The following GANC variants were observed in gnomAD, a reference collection of about 807,000 sequenced individuals.
The protein encoded by GANC is glucosidase alpha, neutral C.
GANC carries 117 observed loss-of-function variants against 124.2 expected under a neutral mutation model. The ratio of observed to expected loss-of-function variants is 0.94; its 90% CI spans 0.81 to 1.10. The LOEUF (loss-of-function observed/expected upper bound fraction) is 1.10. Ranked by LOEUF, GANC falls within the 50% of genes least tolerant of loss-of-function variation. The pLI is 0.00. For synonymous variants in GANC, 377 were observed against 376.8 expected (o/e 1.00, Z -0.01); for missense variants, 1,140 against 1,095.0 (o/e 1.04, Z -0.58).
rs1293232621 is a variant in GANC, at chr15:42,310,827, A to G, written c.1038A>G (p.Lys346=). The G allele has an allele frequency of 1.4e-5, 23 of 1,613,900 alleles. No individual in the cohort carries two copies. Among genetic ancestry groups the G allele is most frequent in the Non-Finnish European group, 1.8e-5 (21 of 1,179,854 alleles). Reference sequence around the variant, plus strand: ...GACCTACACCTTCTGATGTCTTCAAACAGTACTCACACCTTACAGGTATTT... The same window carrying G: ...GACCTACACCTTCTGATGTCTTCAAGCAGTACTCACACCTTACAGGTATTT... ...LTGPTPSDVF[K]QYSHLTGTQA... Residue 346 remains lysine, a synonymous_variant, in exon 10 of 24, where the codon AAA becomes AAG. Transcript: ENST00000318010.
chr15:42,353,032 A>G lies in GANC; in HGVS notation c.*893A>G, dbSNP rs893959921. Reference sequence around the variant, plus strand: ...AATCAGAATTAATGCAAAAAAAACCATGATGAACAAAATATTAAAATTTAA... The same window carrying G: ...AATCAGAATTAATGCAAAAAAAACCGTGATGAACAAAATATTAAAATTTAA... On this transcript the variant is annotated 3_prime_UTR_variant, in exon 24 of 24. Transcript: ENST00000318010. The G allele has an allele frequency of 9.7e-6, 8 of 827,670 alleles. No individual in the cohort carries two copies. The East Asian group carries it at 7.4e-4, about 76-fold the overall frequency. The allele number at this position is 827,670 out of a possible 1,614,324, so 51.3% of individuals were successfully genotyped here.
Position 42,281,190 on chromosome 15 carries a change from G to C in GANC, c.201+2600G>C. On this transcript the variant is annotated intron_variant, in intron 3 of 23. Transcript: ENST00000318010. ...CTGCATGCCCTGATCTCAGGCAAATGTATGCAAATACATATTTCGGGAGAT... is the reference window on the plus strand; with the variant it reads ...CTGCATGCCCTGATCTCAGGCAAATCTATGCAAATACATATTTCGGGAGAT... 4.4e-6 allele frequency: 3 copies of C among 681,464 alleles called. No homozygotes were observed. The South Asian group carries it at 4.6e-5, about 11-fold the overall frequency. 42.2% of individuals were successfully genotyped at this position (681,464 alleles called of 1,614,324 possible).
At chr15:42,287,086 G>A (rs1475866297) in intron 3 of GANC, among the ~76,000 whole-genome samples, 1 of 152,218 alleles carries the variant, frequency 6.6e-6, no homozygotes, top group Non-Finnish European at 1.5e-5. Context: ...ACGGTAGGCA[G>A]AATTTTACTT....
At chr15:42,314,233 G>A (rs1367321956) in intron 10 of GANC, 1 of 726,180 alleles carries the variant, frequency 1.4e-6, no homozygotes, top group Admixed American at 1.9e-5. Flanking sequence ...AGCACCTGAA[G>A]CACGTAGCTA....
rs756606857 is a variant in GANC at position 42,351,343 on chromosome 15, G to T, written c.2546G>T (p.Arg849Met). The T allele has an allele frequency of 6.2e-7, 1 of 1,613,826 alleles. No individual in the cohort carries two copies. Among genetic ancestry groups the T allele is most frequent in the Non-Finnish European group, 8.5e-7 (1 of 1,179,786 alleles). The change falls in exon 23 of 24, where the codon AGG (arginine) becomes ATG (methionine). Residue 849 changes from arginine to methionine, a missense_variant. Coordinates refer to ENST00000318010, the MANE Select transcript of GANC (RefSeq NM_198141.3). ...SVLINSFADQ[R>M]GHYPSKCVVE... ...ATCTATTCCAGTTTTGCTGACCAGA[G>T]GGGTCATTATCCCAGCAAGTGTGTG...
chr15:42,338,266 T>C, intron 15 of GANC, 123 bp from the exon 16 acceptor site: 1 of 547,530 alleles, frequency 1.8e-6, no homozygotes, highest in East Asian at 3.3e-5. Context: ...AATTTATTTA[T>C]TTTAAGGCAA....
At chr15:42,319,468 C>T (rs2052138217) in intron 10 of GANC, among the ~76,000 whole-genome samples, 1 of 152,200 alleles carries the variant, frequency 6.6e-6, no homozygotes, top group East Asian at 1.9e-4. Context: ...CTTTAGCCTC[C>T]TGAGTAGCTG....
At chr15:42,307,246 T>G (rs2052006264) in intron 7 of GANC, among the ~76,000 whole-genome samples, 1 of 152,160 alleles carries the variant, frequency 6.6e-6, no homozygotes, top group Non-Finnish European at 1.5e-5. Context: ...TATAGCATAG[T>G]ATAATGATGA....
intron 13 of GANC, 86 bp downstream of exon 13, chr15:42,327,528 C>T: frequency 1.9e-6 from 2 of 1,061,122 alleles, no homozygotes; most frequent in Non-Finnish European, 2.9e-6. Flanking sequence ...TATTCTTTTT[C>T]ATTGAGTAGC....
intron 5 of GANC, among the ~76,000 whole-genome samples, chr15:42,296,362 G>A (rs2051891182): frequency 6.6e-6 from 1 of 151,934 alleles, no homozygotes; most frequent in African/African-American, 2.4e-5. Context: ...TCACTTCCTT[G>A]GGTTTGATTT....
intron 21 of GANC, among the ~76,000 whole-genome samples, chr15:42,348,490 CT>C (rs1348754703): frequency 6.6e-6 from 1 of 152,132 alleles, no homozygotes; most frequent in Non-Finnish European, 1.5e-5. Context: ...GGAGTGAATG[CT>C]TTTTGGGCCA....
chr15:42,328,917 C>G (rs1453966739), intron 13 of GANC, among the ~76,000 whole-genome samples: 1 of 152,094 alleles, frequency 6.6e-6, no homozygotes, highest in Non-Finnish European at 1.5e-5. Context: ...TATAGTTGCC[C>G]TTAGTTAAGA....
chr15:42,317,608 C>T (rs1448888814), intron 10 of GANC, among the ~76,000 whole-genome samples: 1 of 151,950 alleles, frequency 6.6e-6, no homozygotes, highest in East Asian at 1.9e-4. Context: ...CCATAAAAAC[C>T]CTCATTAAAT....
At chr15:42,285,390 A>G (rs1170508007) in intron 3 of GANC, among the ~76,000 whole-genome samples, 1 of 152,094 alleles carries the variant, frequency 6.6e-6, no homozygotes, top group Non-Finnish European at 1.5e-5. Flanking sequence ...GAGTCTGCTG[A>G]TATTTAAAAG....
At position 42,349,487 on chromosome 15, in the gene GANC, G is replaced by A. The variant is rs1199191093; in HGVS notation, c.2523G>A (p.Leu841=). Residue 841 remains leucine, a synonymous_variant, in exon 22 of 24, where the codon CTG becomes CTA. Transcript: ENST00000318010. ...AGTTTTCATTCTGTTCCAGTGTTCT[G>A]ATCAATAGGTAATGGCAGCTAAAGA... ...HRKFSFCSSV[L]INSFADQRGH... 5 of 1,588,308 alleles carry A rather than the reference G, an allele frequency of 3.1e-6. No individual in the cohort carries two copies. Among genetic ancestry groups the A allele is most frequent in the Non-Finnish European group, 4.3e-6 (5 of 1,156,686 alleles).
At chr15:42,325,631 T>G (rs1397397998) in intron 11 of GANC, among the ~76,000 whole-genome samples, 1 of 133,538 alleles carries the variant, frequency 7.5e-6, no homozygotes, top group African/African-American at 2.6e-5. Flanking sequence ...CCTGCCTACT[T>G]AGTTCTGTAT....
At chr15:42,351,239 G>T (rs1313724507) in intron 22 of GANC, 90 bp from the exon 23 acceptor site, 4 of 839,262 alleles carry the variant, frequency 4.8e-6, no homozygotes, top group Non-Finnish European at 8.1e-6. Flanking sequence ...GGACAGATGG[G>T]AGAGGAACTC....
chr15:42,339,237 T>G (rs2052308646), intron 16 of GANC, among the ~76,000 whole-genome samples: 2 of 151,428 alleles, frequency 1.3e-5, no homozygotes, highest in Admixed American at 1.3e-4. Flanking sequence ...TTCTCTTCAG[T>G]TCTTTCTGTT....
At chr15:42,281,392 G>C (rs2051732597) in intron 3 of GANC, among the ~76,000 whole-genome samples, 1 of 151,610 alleles carries the variant, frequency 6.6e-6, no homozygotes, top group Admixed American at 6.6e-5. Flanking sequence ...TAGTGAAAGA[G>C]CCTCTATTAG....
Sources: allele counts gnomAD v4.1 joint callset (sites outside exome capture counted in the v4.1 genomes callset), GRCh38; gene constraint gnomAD v4.1.1; transcripts MANE v1.5; gene names NCBI Gene and HGNC (gene_info 2026-07-23, HGNC 2026-07-21).